The following SCYL2 variants were observed in gnomAD, a reference collection of about 807,000 sequenced individuals.
The protein encoded by SCYL2 is SCY1 like pseudokinase 2, also known as SCY1-like protein 2.
SCYL2 carries 36 observed loss-of-function variants against 100.4 expected under a neutral mutation model. The observed-to-expected ratio is 0.36, with a 90% confidence interval of 0.27 to 0.47. The LOEUF (loss-of-function observed/expected upper bound fraction) is 0.47, where lower values mean the gene tolerates loss of function less well. SCYL2 is among the 20% of genes least tolerant of loss of function. The pLI, the probability that SCYL2 is intolerant of heterozygous loss-of-function variation, is 1.00. For synonymous variants in SCYL2, 330 were observed against 359.2 expected, an observed-to-expected ratio of 0.92 and a Z score of 0.92; for missense variants, 902 against 1,083.9, an observed-to-expected ratio of 0.83 and a Z score of 2.36.
chr12:100,334,738 G>C (rs941769554), intron 14 of SCYL2, among the ~76,000 whole-genome samples: 1 of 151,838 alleles, frequency 6.6e-6, no homozygotes, highest in African/African-American at 2.4e-5. Flanking sequence ...TTTTAGGGAG[G>C]ATTTTCTAAA....
intron 3 of SCYL2, among the ~76,000 whole-genome samples, chr12:100,295,732 A>C (rs917858449): frequency 1.3e-5 from 2 of 151,642 alleles, no homozygotes; most frequent in African/African-American, 4.9e-5. Flanking sequence ...GGAGAGGGAG[A>C]GGGAGACCAT....
In SCYL2 at chr12:100,329,314, A is replaced by G; in HGVS notation, c.1756A>G (p.Asn586Asp). ...GAGTATTGAAAACAATCTTAATCTT[A>G]ATCAGGTAGGAGTATTTTTGTGCTT... ...PLSIENNLNL[N>D]QFNSFISVIK... is the part of the protein sequence containing the mutation. The change falls in exon 13 of 18, where the codon AAT becomes GAT. Residue 586 changes from asparagine (N) to aspartate (D), a missense_variant. By Grantham distance (23) the Asn-to-Asp change is conservative. Transcript: ENST00000360820. The G allele has an allele frequency of 6.8e-7, 1 of 1,472,500 alleles. No homozygotes were observed. Among genetic ancestry groups the G allele is most frequent in the Non-Finnish European group, 9.5e-7 (1 of 1,052,258 alleles). 91.2% of individuals were successfully genotyped at this position (1,472,500 alleles called of 1,614,324 possible).
chr12:100,284,087 A>G (rs556166951), intron 2 of SCYL2, among the ~76,000 whole-genome samples: 8 of 152,326 alleles, frequency 5.3e-5, no homozygotes, highest in Admixed American at 3.3e-4. Flanking sequence ...TTCTAGCACA[A>G]ATTGCTTTTA....
At chr12:100,276,109 A>G (rs1361412449) in intron 1 of SCYL2, among the ~76,000 whole-genome samples, 1 of 152,214 alleles carries the variant, frequency 6.6e-6, no homozygotes, top group Non-Finnish European at 1.5e-5. Context: ...TTTTATTGCC[A>G]TTGCATTATT....
At chr12:100,294,601 T>C (rs1592940443) in intron 3 of SCYL2, among the ~76,000 whole-genome samples, 3 of 110,788 alleles carry the variant, frequency 2.7e-5, no homozygotes, top group Non-Finnish European at 3.7e-5. Context: ...CTGGACAGGG[T>C]GGCTGGCCGG....
intron 10 of SCYL2, among the ~76,000 whole-genome samples, chr12:100,319,447 T>A (rs79858743): frequency 0.033 from 4,961 of 152,356 alleles, 101 homozygotes; most frequent in African/African-American, 0.059. Context: ...TTTTTCTTTA[T>A]AGTTAATTTG....
intron 11 of SCYL2, 115 bp downstream of exon 11, chr12:100,323,753 A>C: frequency 1.6e-6 from 1 of 618,134 alleles, no homozygotes; most frequent in South Asian, 2.1e-5. Context: ...TCTTGGCTGT[A>C]GATAACTTGT....
rs766297387 is a variant in SCYL2 at position 100,311,188 on chromosome 12, C to G, written c.625C>G (p.Gln209Glu). ...TGTATCATCAACCAATCCTTCTGAA[C>G]AAGAGGTAATGAAAGTTTTAGTCTT... is the stretch of plus-strand genomic sequence containing the variant. ...FCVSSTNPSE[Q>E]EPKFPCKEWD... is the part of the protein sequence containing the mutation. The change falls in exon 5 of 18, where the codon CAA becomes GAA. Residue 209 changes from glutamine to glutamate, a missense_variant. Physicochemically the swap from Gln to Glu is conservative, Grantham distance 29. Coordinates refer to ENST00000360820, the MANE Select transcript of SCYL2 (RefSeq NM_017988.6). The G allele has an allele frequency of 1.6e-5, 25 of 1,586,240 alleles. No individual in the cohort carries two copies. The highest frequency in any genetic ancestry group is 2.0e-5 in the Non-Finnish European group (23 of 1,172,054).
chr12:100,317,928 A>G lies in SCYL2; in HGVS notation c.1395+3A>G, dbSNP rs755598375. 35 of 1,550,160 alleles carry G rather than the reference A, an allele frequency of 2.3e-5. No individual in the cohort carries two copies. Among genetic ancestry groups the G allele is most frequent in the Admixed American group, 1.4e-4 (6 of 42,770 alleles). ...AAGCTCCTTCCATTCAGATCCAGGT[A>G]CAGTATCTGATTTGTTTTTCTTTAA... is the stretch of plus-strand genomic sequence containing the variant. On this transcript the variant is annotated splice_donor_region_variant and intron_variant, in intron 10 of 17. Coordinates refer to ENST00000360820, the MANE Select transcript of SCYL2 (RefSeq NM_017988.6).
At chr12:100,277,479 G>T (rs1242174951) in intron 1 of SCYL2, among the ~76,000 whole-genome samples, 1 of 151,986 alleles carries the variant, frequency 6.6e-6, no homozygotes, top group Non-Finnish European at 1.5e-5. Flanking sequence ...ATGTCTTTTT[G>T]GTGAATTGAC....
chr12:100,267,395 A>T lies in SCYL2; in HGVS notation c.-426A>T, dbSNP rs1225581800. 4.1e-6 allele frequency: 1 copy of T among 243,378 alleles called. No homozygotes were observed. The highest frequency in any genetic ancestry group is 5.6e-5 in the Admixed American group (1 of 17,832). The allele number at this position is 243,378 out of a possible 1,614,324, so 15.1% of individuals were successfully genotyped here. Reference sequence around the variant, plus strand: ...CACCGCCCCTCCTGGAAGAAGGAAGAGGTAAGTGACCGGCCGCCGGCACCG... The same window carrying T: ...CACCGCCCCTCCTGGAAGAAGGAAGTGGTAAGTGACCGGCCGCCGGCACCG... On this transcript the variant is annotated 5_prime_UTR_variant, in exon 1 of 18. Transcript: ENST00000360820.
At chr12:100,283,379 T>C (rs2096300992) in intron 2 of SCYL2, among the ~76,000 whole-genome samples, 1 of 152,232 alleles carries the variant, frequency 6.6e-6, no homozygotes, top group Non-Finnish European at 1.5e-5. Flanking sequence ...CATCTTGAAA[T>C]ATAATTTTGC....
At chr12:100,326,350 T>G (rs1056734906) in intron 11 of SCYL2, among the ~76,000 whole-genome samples, 35 of 152,126 alleles carry the variant, frequency 2.3e-4, no homozygotes, top group Non-Finnish European at 4.9e-4. Context: ...TTTCTCAAAT[T>G]CTAATCACTT....
chr12:100,282,806 C>T, intron 1 of SCYL2, 137 bp from the exon 2 acceptor site: 1 of 408,032 alleles, frequency 2.5e-6, no homozygotes, highest in Non-Finnish European at 4.3e-6. Flanking sequence ...GAAGATAAAA[C>T]CAACATACAA....
intron 4 of SCYL2, 42 bp downstream of exon 4, chr12:100,298,217 T>C: frequency 7.1e-7 from 1 of 1,414,850 alleles, no homozygotes; most frequent in Non-Finnish European, 9.5e-7. Context: ...GTTGTTTCCT[T>C]TAAAATTGGT....
At chr12:100,289,138 T>A (rs2096307707) in intron 2 of SCYL2, among the ~76,000 whole-genome samples, 1 of 152,210 alleles carries the variant, frequency 6.6e-6, no homozygotes, top group Non-Finnish European at 1.5e-5. Flanking sequence ...GAATTAGTGT[T>A]ATGTAAAACT....
In SCYL2 at chr12:100,282,483, G is replaced by T. The variant is rs547885608; in HGVS notation, c.-28-460G>T. ...TGGGACTACGGGCACCTGCCACCAC[G>T]CCTGGCTAATTTTTGTATTTTTGGT... On this transcript the variant is annotated intron_variant, in intron 1 of 17. Transcript: ENST00000360820. Among the ~76,000 whole-genome samples the T allele has an allele frequency of 2.0e-5, 3 of 151,430 alleles. No individual in the cohort carries two copies. The East Asian group carries it at 5.8e-4, about 29-fold the overall frequency.
In SCYL2 at chr12:100,341,448, T is replaced by C. The variant is rs1031701600; in HGVS notation, c.*2276T>C. 3 of 152,172 alleles carry C rather than the reference T, an allele frequency of 2.0e-5. No homozygotes were observed. The highest frequency in any genetic ancestry group is 7.2e-5 in the African/African-American group (3 of 41,450). 9.4% of individuals were successfully genotyped at this position (152,172 alleles called of 1,614,324 possible). A position where few individuals can be genotyped will look rare whatever the true frequency, so the allele number is the denominator to read the frequency against. On this transcript the variant is annotated 3_prime_UTR_variant, in exon 18 of 18. Transcript: ENST00000360820. The stretch of plus-strand genomic sequence containing the variant: ...GATTCCCTTGCATTTGAATTAGTTC[T>C]CTATTCTCCTATTGCTAAATGTGTG...
chr12:100,309,782 C>T (rs2096339852), intron 4 of SCYL2, among the ~76,000 whole-genome samples: 1 of 152,146 alleles, frequency 6.6e-6, no homozygotes, highest in African/African-American at 2.4e-5. Flanking sequence ...CAGTTCTTTG[C>T]AGTATCTACC....
Sources: allele counts gnomAD v4.1 joint callset (sites outside exome capture counted in the v4.1 genomes callset), GRCh38; gene constraint gnomAD v4.1.1; transcripts MANE v1.5; gene names NCBI Gene and HGNC (gene_info 2026-07-23, HGNC 2026-07-21).